CA8: variants seen among roughly 807,000 people sequenced by gnomAD.
CA8 encodes carbonic anhydrase-related protein.
In CA8, 22 loss-of-function variants were observed where a neutral mutation model predicts 41.4. The ratio of observed to expected loss-of-function variants is 0.53; its 90% confidence interval spans 0.38 to 0.76. The LOEUF is 0.76. Among genes scored for constraint, CA8 ranks in the 30% least tolerant of loss-of-function variants. The pLI is 0.00. For synonymous variants in CA8, 121 were observed against 130.6 expected (o/e 0.93, Z 0.50); for missense variants, 270 against 352.8 (o/e 0.77, Z 1.88).
chr8:60,236,901 T>C (rs1444279032), intron 3 of CA8, among the ~76,000 whole-genome samples: 1 of 152,204 alleles, frequency 6.6e-6, no homozygotes, highest in African/African-American at 2.4e-5. Context: ...ACTACAGATA[T>C]GGCTTAGGAA....
At chr8:60,266,672 A>G (rs1345669367) in intron 2 of CA8, among the ~76,000 whole-genome samples, 1 of 152,230 alleles carries the variant, frequency 6.6e-6, no homozygotes. Flanking sequence ...GTCCCACAGG[A>G]CCATGTCTCT....
At chr8:60,280,673 C>T (rs1804384422) in intron 1 of CA8, among the ~76,000 whole-genome samples, 1 of 152,260 alleles carries the variant, frequency 6.6e-6, no homozygotes, top group Admixed American at 6.5e-5. Flanking sequence ...ATTCTTCACG[C>T]TAACACTGTC....
intron 3 of CA8, among the ~76,000 whole-genome samples, chr8:60,260,162 T>C (rs983096067): frequency 1.3e-5 from 2 of 152,166 alleles, no homozygotes; most frequent in African/African-American, 2.4e-5. Flanking sequence ...AGAGCAGAAG[T>C]CAGTTCATGG....
intron 3 of CA8, among the ~76,000 whole-genome samples, chr8:60,257,285 GC>G (rs1394379283): frequency 6.6e-6 from 1 of 152,106 alleles, no homozygotes; most frequent in East Asian, 1.9e-4. Context: ...AATCCAAAAA[GC>G]TTTTTGCATC....
At chr8:60,249,111 CT>C (rs1808354600) in intron 3 of CA8, among the ~76,000 whole-genome samples, 1 of 151,770 alleles carries the variant, frequency 6.6e-6, no homozygotes, top group African/African-American at 2.4e-5. Context: ...CTCAATAAAG[CT>C]TTTTTTTAAT....
intron 7 of CA8, among the ~76,000 whole-genome samples, chr8:60,214,510 A>G (rs1261868193): frequency 6.6e-6 from 1 of 152,214 alleles, no homozygotes; most frequent in Non-Finnish European, 1.5e-5. Context: ...GTTCCCAATC[A>G]TTTGAAGTGA....
intron 2 of CA8, among the ~76,000 whole-genome samples, chr8:60,270,791 C>A (rs1382387206): frequency 6.6e-6 from 1 of 152,202 alleles, no homozygotes; most frequent in African/African-American, 2.4e-5. Context: ...AATGTTATCT[C>A]TAAAACTTCC....
chr8:60,198,675 T>C (rs554009173), intron 8 of CA8, among the ~76,000 whole-genome samples: 2 of 152,280 alleles, frequency 1.3e-5, no homozygotes, highest in African/African-American at 4.8e-5. Context: ...AGCTTAATGT[T>C]TTTAGTTCAG....
intron 3 of CA8, among the ~76,000 whole-genome samples, chr8:60,254,827 G>A (rs1173230188): frequency 6.6e-6 from 1 of 150,772 alleles, no homozygotes; most frequent in East Asian, 1.9e-4. Flanking sequence ...CAAAATCCCT[G>A]TTTACCAAAC....
chr8:60,221,583 A>C (rs1807251318), intron 7 of CA8, among the ~76,000 whole-genome samples: 2 of 152,220 alleles, frequency 1.3e-5, no homozygotes, highest in African/African-American at 4.8e-5. Flanking sequence ...AATCATGTGG[A>C]GAACAGTCTC....
At chr8:60,250,023 G>C (rs1481552111) in intron 3 of CA8, among the ~76,000 whole-genome samples, 1 of 152,152 alleles carries the variant, frequency 6.6e-6, no homozygotes, top group Non-Finnish European at 1.5e-5. Flanking sequence ...CTTTGGTGAA[G>C]TACTGCATGA....
chr8:60,262,547 A>G (rs1010517745), intron 3 of CA8, among the ~76,000 whole-genome samples: 4 of 152,218 alleles, frequency 2.6e-5, no homozygotes, highest in African/African-American at 7.2e-5. Flanking sequence ...ACACCCACAC[A>G]TTATGGAAAA....
intron 8 of CA8, among the ~76,000 whole-genome samples, chr8:60,207,026 G>A (rs974361125): frequency 4.6e-5 from 7 of 152,034 alleles, no homozygotes; most frequent in South Asian, 4.1e-4. Context: ...AGGTGGCTGC[G>A]ACCTGGAGTC....
intron 3 of CA8, among the ~76,000 whole-genome samples, chr8:60,246,822 A>C (rs1281037977): frequency 2.0e-5 from 3 of 151,664 alleles, no homozygotes; most frequent in Non-Finnish European, 1.5e-5. Context: ...TAAGCCTTTA[A>C]AAGGATAGAA....
chr8:60,280,405 A>T (rs1804372634), intron 1 of CA8, among the ~76,000 whole-genome samples: 1 of 152,166 alleles, frequency 6.6e-6, no homozygotes, highest in African/African-American at 2.4e-5. Context: ...TTATAATTAA[A>T]ATTATATATT....
At chr8:60,206,569 C>T (rs553876160) in intron 8 of CA8, among the ~76,000 whole-genome samples, 9 of 152,288 alleles carry the variant, frequency 5.9e-5, no homozygotes, top group African/African-American at 2.2e-4. Flanking sequence ...CAACCCTCAT[C>T]CCACCCCCGC....
intron 2 of CA8, among the ~76,000 whole-genome samples, chr8:60,274,237 C>T (rs1019901298): frequency 4.0e-5 from 6 of 151,890 alleles, no homozygotes; most frequent in South Asian, 2.1e-4. Context: ...GTACTCAAAA[C>T]ATTTATCTGC....
chr8:60,281,180 C>G lies in CA8; in HGVS notation c.-33G>C, dbSNP rs757466801. ...CCGCGGGGCCCCTCGGCGCTCTCGGCAGCAGTGCCTGCGCCTTCGCTGGGC... is the reference window on the plus strand; with the variant it reads ...CCGCGGGGCCCCTCGGCGCTCTCGGGAGCAGTGCCTGCGCCTTCGCTGGGC... On this transcript the variant is annotated 5_prime_UTR_variant, in exon 1 of 9. Transcript: ENST00000317995. The G allele has an allele frequency of 6.8e-7, 1 of 1,464,066 alleles. No individual in the cohort carries two copies. The highest frequency in any genetic ancestry group is 1.4e-5 in the African/African-American group (1 of 71,254). 90.7% of individuals were successfully genotyped at this position (1,464,066 alleles called of 1,614,324 possible).
At chr8:60,255,997 C>G (rs951776921) in intron 3 of CA8, among the ~76,000 whole-genome samples, 1 of 151,888 alleles carries the variant, frequency 6.6e-6, no homozygotes, top group African/African-American at 2.4e-5. Context: ...CAACCTCCGC[C>G]TCCCGGGTTC....
Sources: allele counts gnomAD v4.1 joint callset (sites outside exome capture counted in the v4.1 genomes callset), GRCh38; gene constraint gnomAD v4.1.1; transcripts MANE v1.5; gene names NCBI Gene and HGNC (gene_info 2026-07-23, HGNC 2026-07-21).